Variants in CST8 observed in about 807,000 individuals in gnomAD.
CST8 encodes the protein cystatin-8.
Under a neutral mutation model 11.8 loss-of-function variants are expected in CST8, and 20 were observed. The observed-to-expected ratio is 1.70, with a 90% CI of 1.20 to 2.47. The LOEUF (loss-of-function observed/expected upper bound fraction) is 2.47. CST8 is among the 30% of genes most tolerant of loss of function. The probability of loss-of-function intolerance (pLI) is 0.00; values close to 1 mark genes in which losing one functional copy is unlikely to be tolerated. For synonymous variants in CST8, 77 were observed against 63.1 expected (o/e 1.22, Z -1.05); for missense variants, 196 against 167.2 (o/e 1.17, Z -0.95).
At chr20:23,498,615 C>T (rs1333209978), downstream of CST8, among the ~76,000 whole-genome samples, 1 of 152,188 alleles carries the variant, frequency 6.6e-6, no homozygotes, top group Non-Finnish European at 1.5e-5. Flanking sequence ...CTAGCTGTCT[C>T]CTCTCCCTCT....
At position 23,491,619 on chromosome 20, in the gene CST8, C is replaced by T; in HGVS notation, c.-49C>T. The T allele has an allele frequency of 2.0e-6, 3 of 1,463,976 alleles. No homozygotes were observed. The highest frequency in any genetic ancestry group is 2.9e-6 in the Non-Finnish European group (3 of 1,046,528). 90.7% of individuals were successfully genotyped at this position (1,463,976 alleles called of 1,614,324 possible). On this transcript the variant is annotated 5_prime_UTR_variant, in exon 2 of 4. Coordinates refer to ENST00000246012, the MANE Select transcript of CST8 (RefSeq NM_005492.4). ...ACCCCATCCTGCCCACAGCTCCAGC[C>T]CTGAGACGACGAGGAGGAGAGTCGA...
chr20:23,500,747 G>T (rs1988162486), downstream of CST8, among the ~76,000 whole-genome samples: 1 of 151,172 alleles, frequency 6.6e-6, no homozygotes, highest in South Asian at 2.1e-4. Flanking sequence ...ACCTCTGTGT[G>T]GTGGGGTGGC....
At chr20:23,494,554 C>G (rs79242029) in intron 3 of CST8, among the ~76,000 whole-genome samples, 1,965 of 152,248 alleles carry the variant, frequency 0.013, 36 homozygotes, top group African/African-American at 0.045. Flanking sequence ...TTGTCTGCCT[C>G]TTAACTCCTG....
the CST8 span, among the ~76,000 whole-genome samples, chr20:23,506,580 C>T: frequency 2.0e-5 from 3 of 152,156 alleles, no homozygotes; most frequent in African/African-American, 7.2e-5. Context: ...TGCACTAAAA[C>T]AGCATCTTGG....
the CST8 span, among the ~76,000 whole-genome samples, chr20:23,504,321 G>A: frequency 6.6e-6 from 1 of 152,096 alleles, no homozygotes; most frequent in Non-Finnish European, 1.5e-5. Context: ...TTCTTTCTGT[G>A]AACCAATGAG....
chr20:23,504,047 G>A, the CST8 span, among the ~76,000 whole-genome samples: 1 of 152,218 alleles, frequency 6.6e-6, no homozygotes, highest in Non-Finnish European at 1.5e-5. Flanking sequence ...AGATTTTGCT[G>A]TAAAGGTGAG....
At chr20:23,500,192 G>C (rs1988149808), downstream of CST8, among the ~76,000 whole-genome samples, 1 of 152,078 alleles carries the variant, frequency 6.6e-6, no homozygotes, top group Admixed American at 6.5e-5. Flanking sequence ...CTCCCACCAG[G>C]CCCCACCACC....
At chr20:23,492,831 G>A in intron 2 of CST8, 127 bp from the exon 3 acceptor site, 1 of 700,118 alleles carries the variant, frequency 1.4e-6, no homozygotes, top group Non-Finnish European at 2.5e-6. Flanking sequence ...TTCCGCTAAA[G>A]CTCTGTCTGG....
At position 23,493,085 on chromosome 20, in the gene CST8, C is replaced by T. The variant is rs1360775510; in HGVS notation, c.345+14C>T. The stretch of plus-strand genomic sequence containing the variant: ...AAGCTGAAAAGGGTAGGTGATGAAC[C>T]ACTCATCTGTGACGGCCTAGGCAGC... On this transcript the variant is annotated intron_variant, in intron 3 of 3. Transcript: ENST00000246012. 6.9e-7 allele frequency: 1 copy of T among 1,456,902 alleles called. No individual in the cohort carries two copies. The highest frequency in any genetic ancestry group is 1.7e-4 in the Middle Eastern group (1 of 5,768). 90.2% of individuals were successfully genotyped at this position (1,456,902 alleles called of 1,614,324 possible).
downstream of CST8, among the ~76,000 whole-genome samples, chr20:23,497,987 ATGTG>A (rs11471783): frequency 6.0e-5 from 9 of 150,192 alleles, no homozygotes; most frequent in Non-Finnish European, 1.2e-4. Flanking sequence ...ATGTGTGTGC[ATGTG>A]TGTGTGTGTG....
At chr20:23,498,137 T>C (rs1323683848), downstream of CST8, among the ~76,000 whole-genome samples, 1 of 152,032 alleles carries the variant, frequency 6.6e-6, no homozygotes, top group African/African-American at 2.4e-5. Flanking sequence ...AAAGTAACTA[T>C]TAAACAGATG....
the CST8 span, among the ~76,000 whole-genome samples, chr20:23,502,241 T>C: frequency 6.6e-5 from 10 of 152,204 alleles, no homozygotes; most frequent in African/African-American, 1.9e-4. Context: ...GGAGAGCCCA[T>C]GAGACCAAAT....
At chr20:23,498,018 T>C (rs1027994125), downstream of CST8, among the ~76,000 whole-genome samples, 2 of 151,746 alleles carry the variant, frequency 1.3e-5, no homozygotes, top group East Asian at 1.9e-4. Flanking sequence ...TGTGTGTGCA[T>C]GTATGTGTGT....
chr20:23,507,093 C>T, the CST8 span, among the ~76,000 whole-genome samples: 1 of 152,110 alleles, frequency 6.6e-6, no homozygotes, highest in Non-Finnish European at 1.5e-5. Context: ...ATTTCACTCC[C>T]ACCTGTAATA....
chr20:23,495,283 A>G (rs534219972), intron 3 of CST8, among the ~76,000 whole-genome samples: 2 of 152,248 alleles, frequency 1.3e-5, no homozygotes, highest in Admixed American at 6.5e-5. Context: ...ATACATGTGC[A>G]TGTGTCTTCG....
At chr20:23,504,210 C>T in the CST8 span, among the ~76,000 whole-genome samples, 1 of 152,232 alleles carries the variant, frequency 6.6e-6, no homozygotes, top group African/African-American at 2.4e-5. Flanking sequence ...TATGTGAACT[C>T]TAGACTAATG....
downstream of CST8, among the ~76,000 whole-genome samples, chr20:23,497,230 C>A (rs571438310): frequency 3.9e-5 from 6 of 152,228 alleles, no homozygotes; most frequent in Non-Finnish European, 8.8e-5. Flanking sequence ...TAATAAAAGT[C>A]CATGAAATCT....
chr20:23,491,340 G>T lies in CST8; in HGVS notation c.-146G>T. ...GCAGATAACAAGAGTGACGCTCACAGGGGTAGGCATAGACACACTGGGGCC... is the reference window on the plus strand; with the variant it reads ...GCAGATAACAAGAGTGACGCTCACATGGGTAGGCATAGACACACTGGGGCC... On this transcript the variant is annotated splice_region_variant and 5_prime_UTR_variant, in exon 1 of 4. The change creates a new upstream start codon in the 5' untranslated region. Coordinates refer to ENST00000246012, the MANE Select transcript of CST8 (RefSeq NM_005492.4). 1 of 341,872 alleles carries T rather than the reference G, an allele frequency of 2.9e-6. No homozygotes were observed. The allele number at this position is 341,872 out of a possible 1,614,324, so 21.2% of individuals were successfully genotyped here.
intron 3 of CST8, 82 bp from the exon 4 acceptor site, chr20:23,495,749 A>G (rs1988023346): frequency 5.6e-6 from 6 of 1,076,596 alleles, no homozygotes; most frequent in Non-Finnish European, 8.3e-6. Flanking sequence ...ACTGACACCT[A>G]GCAACAGGAC....
Sources: allele counts gnomAD v4.1 joint callset (sites outside exome capture counted in the v4.1 genomes callset), GRCh38; gene constraint gnomAD v4.1.1; transcripts MANE v1.5; gene names NCBI Gene and HGNC (gene_info 2026-07-23, HGNC 2026-07-21).